The following AFG1L variants were observed in gnomAD, a reference collection of about 807,000 sequenced individuals.
The protein encoded by AFG1L is AFG1-like ATPase.
A neutral mutation model predicts 62.2 loss-of-function variants in AFG1L; 53 were observed. That is an observed-to-expected ratio of 0.85 (90% CI 0.68 to 1.07). The LOEUF is 1.07. AFG1L is among the 50% of genes least tolerant of loss of function. AFG1L has a pLI of 0.00. For missense variants in AFG1L, 555 were observed against 590.5 expected, an observed-to-expected ratio of 0.94 and a Z score of 0.62; for synonymous variants, 228 against 210.3, an observed-to-expected ratio of 1.08 and a Z score of -0.73.
intron 6 of AFG1L, among the ~76,000 whole-genome samples, chr6:108,400,429 C>T (rs12527372): frequency 0.038 from 5,685 of 150,528 alleles, 133 homozygotes; most frequent in Middle Eastern, 0.1. Flanking sequence ...GATAATTTTT[C>T]GGCATCAATT....
intron 8 of AFG1L, among the ~76,000 whole-genome samples, chr6:108,448,615 G>T (rs921545212): frequency 6.6e-6 from 1 of 151,958 alleles, no homozygotes; most frequent in East Asian, 1.9e-4. Flanking sequence ...AAGAGGTCTT[G>T]GAAGTTACTG....
chr6:108,307,888 CATT>C (rs1777266547), intron 1 of AFG1L, among the ~76,000 whole-genome samples: 1 of 152,062 alleles, frequency 6.6e-6, no homozygotes, highest in South Asian at 2.1e-4. Context: ...ACTGATATCT[CATT>C]ATGATTTTAT....
intron 7 of AFG1L, among the ~76,000 whole-genome samples, chr6:108,424,767 CTG>C (rs1344767323): frequency 6.6e-6 from 1 of 151,934 alleles, no homozygotes; most frequent in Admixed American, 6.6e-5. Context: ...CTCTGTGATG[CTG>C]GTAATTGTGG....
At position 108,295,147 on chromosome 6, in the gene AFG1L, G is replaced by A; in HGVS notation, c.68G>A (p.Cys23Tyr). 1.2e-6 allele frequency: 2 copies of A among 1,610,588 alleles called. No homozygotes were observed. The highest frequency in any genetic ancestry group is 1.1e-5 in the South Asian group (1 of 91,088). Residue 23 changes from cysteine to tyrosine, a missense_variant, in exon 1 of 13, where the codon TGT (cysteine) becomes TAT (tyrosine). Coordinates refer to ENST00000368977, the MANE Select transcript of AFG1L (RefSeq NM_145315.5). ...PLAQSPLRGR[C>Y]VGCGAWAAAL... ...GCACAGAGCCCGCTGAGAGGGAGAT[G>A]TGTTGGGTGCGGGGCCTGGGCCGCC...
intron 2 of AFG1L, among the ~76,000 whole-genome samples, chr6:108,335,761 A>G (rs1370197143): frequency 2.0e-5 from 3 of 152,208 alleles, no homozygotes; most frequent in African/African-American, 7.2e-5. Context: ...GTGAACATGG[A>G]AGGATTTGCC....
chr6:108,339,257 C>T (rs1385710215), intron 2 of AFG1L, among the ~76,000 whole-genome samples: 1 of 151,016 alleles, frequency 6.6e-6, no homozygotes, highest in Non-Finnish European at 1.5e-5. Flanking sequence ...TCTTGTGCCT[C>T]AGCCTCTCGA....
chr6:108,517,387 A>T (rs1774943259), intron 11 of AFG1L, among the ~76,000 whole-genome samples: 1 of 152,264 alleles, frequency 6.6e-6, no homozygotes, highest in Non-Finnish European at 1.5e-5. Context: ...AACCTGACAA[A>T]AACAAGAAAT....
At chr6:108,518,996 A>G (rs990284043) in intron 11 of AFG1L, among the ~76,000 whole-genome samples, 3 of 152,230 alleles carry the variant, frequency 2.0e-5, no homozygotes, top group Non-Finnish European at 4.4e-5. Context: ...CAGTGTAATC[A>G]TCTTAGTCAG....
At chr6:108,357,421 A>G (rs574962057) in intron 5 of AFG1L, among the ~76,000 whole-genome samples, 2 of 152,312 alleles carry the variant, frequency 1.3e-5, no homozygotes, top group South Asian at 4.1e-4. Context: ...GAAGAAGAAG[A>G]AGAAAAAGAA....
chr6:108,319,584 A>C (rs1008205546), intron 1 of AFG1L: 2 of 168,692 alleles, frequency 1.2e-5, no homozygotes, highest in African/African-American at 4.8e-5. Context: ...TGGCCAAAAC[A>C]ATTTTTATTT....
chr6:108,295,323 C>G (rs1284326385), intron 1 of AFG1L, 105 bp downstream of exon 1: 4 of 1,328,606 alleles, frequency 3.0e-6, no homozygotes, highest in Non-Finnish European at 4.1e-6. Flanking sequence ...CCTGCTTTCA[C>G]GAAGCTGAGG....
intron 10 of AFG1L, among the ~76,000 whole-genome samples, chr6:108,500,171 C>CGCGTGTGTGT (rs1554204024): frequency 7.4e-6 from 1 of 135,070 alleles, no homozygotes; most frequent in African/African-American, 2.9e-5. Context: ...ATGGTGCGTG[C>CGCGTGTGTGT]GTGTGTGTGT....
At chr6:108,469,183 C>G (rs1468787833) in intron 8 of AFG1L, among the ~76,000 whole-genome samples, 1 of 152,028 alleles carries the variant, frequency 6.6e-6, no homozygotes, top group East Asian at 1.9e-4. Context: ...ATGTTTTTCA[C>G]TGGAGATCTC....
At chr6:108,455,189 A>G (rs532863894) in intron 8 of AFG1L, among the ~76,000 whole-genome samples, 1 of 152,350 alleles carries the variant, frequency 6.6e-6, no homozygotes, top group Admixed American at 6.5e-5. Context: ...AGATGAAATA[A>G]TACAATGTCT....
At chr6:108,482,231 A>C (rs75955333) in intron 10 of AFG1L, among the ~76,000 whole-genome samples, 13,916 of 152,258 alleles carry the variant, frequency 0.091, 733 homozygotes, top group South Asian at 0.25. Flanking sequence ...ATGACAAAAG[A>C]TCTACTTAAA....
intron 12 of AFG1L, chr6:108,521,672 AAG>A (rs1775130574): frequency 6.6e-6 from 1 of 152,266 alleles, no homozygotes; most frequent in Non-Finnish European, 1.5e-5. Context: ...CCCCTAAGGA[AAG>A]AGAAAAATTC....
intron 7 of AFG1L, 24 bp downstream of exon 7, chr6:108,402,078 G>T: frequency 7.9e-7 from 1 of 1,273,444 alleles, no homozygotes; most frequent in Non-Finnish European, 1.1e-6. Context: ...ATTTATTTGT[G>T]TTTACTAAGA....
At chr6:108,518,340 G>A (rs1490514180) in intron 11 of AFG1L, among the ~76,000 whole-genome samples, 1 of 152,140 alleles carries the variant, frequency 6.6e-6, no homozygotes, top group Non-Finnish European at 1.5e-5. Context: ...ATGAGTTCAT[G>A]TCCTTTGTAG....
At chr6:108,508,601 C>A (rs1774516428) in intron 10 of AFG1L, among the ~76,000 whole-genome samples, 1 of 152,196 alleles carries the variant, frequency 6.6e-6, no homozygotes, top group African/African-American at 2.4e-5. Context: ...ATAATTGCTG[C>A]ATCCTTCTTA....
Sources: gnomAD v4.1 joint callset for allele counts (sites outside exome capture counted in the v4.1 genomes callset) on GRCh38, gnomAD v4.1.1 for gene constraint, MANE v1.5 for transcripts, NCBI Gene and HGNC (gene_info 2026-07-23, HGNC 2026-07-21) for gene names.